COL5A2: variants seen among roughly 807,000 people sequenced by gnomAD.
The protein encoded by COL5A2 is collagen type V alpha 2 chain.
Under a neutral mutation model 208.2 loss-of-function variants are expected in COL5A2, and 23 were observed. The observed-to-expected ratio is 0.11, with a 90% CI of 0.08 to 0.16. The LOEUF is 0.16. Among genes scored for constraint, COL5A2 ranks in the 10% least tolerant of loss-of-function variants. The pLI is 1.00. For synonymous variants in COL5A2, 625 were observed against 628.5 expected (o/e 0.99, Z 0.08); for missense variants, 1,590 against 1,956.4 (o/e 0.81, Z 3.53).
At chr2:189,231,147 C>T in the COL5A2 span, among the ~76,000 whole-genome samples, 1 of 149,480 alleles carries the variant, frequency 6.7e-6, no homozygotes, top group Non-Finnish European at 1.5e-5. Flanking sequence ...GCAGAAAGTA[C>T]AATGGTGGTT....
chr2:189,423,181 T>C, the COL5A2 span, among the ~76,000 whole-genome samples: 1 of 150,416 alleles, frequency 6.6e-6, no homozygotes, highest in Non-Finnish European at 1.5e-5. Flanking sequence ...TCAAAAGCCA[T>C]GGAGATGAAA....
chr2:189,266,754 G>T, the COL5A2 span, among the ~76,000 whole-genome samples: 1 of 152,022 alleles, frequency 6.6e-6, no homozygotes, highest in Non-Finnish European at 1.5e-5. Context: ...ACACTTTAAA[G>T]AGGTGAATTT....
At chr2:189,402,268 A>T in the COL5A2 span, among the ~76,000 whole-genome samples, 1 of 152,136 alleles carries the variant, frequency 6.6e-6, no homozygotes, top group Non-Finnish European at 1.5e-5. Flanking sequence ...ACCAGGCTGG[A>T]GTGCAGTGGT....
rs148430780 is a variant in COL5A2 at position 189,053,010 on chromosome 2, G to C, written c.2562C>G (p.Asp854Glu). The change falls in exon 39 of 54, where the codon GAC (aspartate) becomes GAG (glutamate). Residue 854 changes from aspartate to glutamate, a missense_variant. Transcript: ENST00000374866. ...AVGFAGPQGP[D>E]GQPGVKGEPG... ...GTTCACCTTTTACTCCAGGCTGTCC[G>C]TCAGGACCCTATAAAAAATTATACA... 1 of 1,612,642 alleles carries C rather than the reference G, an allele frequency of 6.2e-7. No homozygotes were observed. The highest frequency in any genetic ancestry group is 1.3e-5 in the African/African-American group (1 of 74,842).
At chr2:189,250,656 G>A in the COL5A2 span, among the ~76,000 whole-genome samples, 7 of 151,802 alleles carry the variant, frequency 4.6e-5, no homozygotes, top group African/African-American at 1.5e-4. Flanking sequence ...CTAACTGAAC[G>A]TTCCACTTTA....
chr2:189,324,238 T>C, the COL5A2 span, among the ~76,000 whole-genome samples: 1 of 152,092 alleles, frequency 6.6e-6, no homozygotes, highest in East Asian at 1.9e-4. Context: ...GCAATACCAC[T>C]CAAGACATAA....
At chr2:189,060,271 G>A (rs11887155) in intron 31 of COL5A2, among the ~76,000 whole-genome samples, 1,770 of 152,254 alleles carry the variant, frequency 0.012, 19 homozygotes, top group African/African-American at 0.029. Flanking sequence ...TGTAAGGACA[G>A]CAAGGTCCAA....
chr2:189,064,533 A>G (rs1370726778), intron 25 of COL5A2, 24 bp downstream of exon 25: 8 of 1,556,378 alleles, frequency 5.1e-6, no homozygotes, highest in Non-Finnish European at 6.2e-6. Context: ...CCTTTGATGT[A>G]GCAAACACTT....
At chr2:189,125,395 T>C (rs1168013585) in intron 1 of COL5A2, among the ~76,000 whole-genome samples, 2 of 152,146 alleles carry the variant, frequency 1.3e-5, no homozygotes, top group East Asian at 1.9e-4. Flanking sequence ...CCACACCAAA[T>C]TGCACATACA....
chr2:189,067,990 T>G, intron 21 of COL5A2, 25 bp downstream of exon 21: 11 of 1,567,836 alleles, frequency 7.0e-6, no homozygotes, highest in Middle Eastern at 1.7e-4. Flanking sequence ...CACTAAAGGA[T>G]GATAGTTCTT....
At chr2:189,194,503 C>T (rs907421476) in intron 1 of COL5A2, among the ~76,000 whole-genome samples, 8 of 152,134 alleles carry the variant, frequency 5.3e-5, no homozygotes, top group African/African-American at 7.2e-5. Context: ...GCAAGGACTA[C>T]TTAATGTGTG....
the COL5A2 span, among the ~76,000 whole-genome samples, chr2:189,316,148 A>AGTGGTT: frequency 6.6e-6 from 1 of 152,174 alleles, no homozygotes; most frequent in African/African-American, 2.4e-5. Context: ...TGTTATAAAG[A>AGTGGTT]CACATGCACA....
At chr2:189,309,609 G>C in the COL5A2 span, among the ~76,000 whole-genome samples, 1 of 152,038 alleles carries the variant, frequency 6.6e-6, no homozygotes, top group Admixed American at 6.5e-5. Flanking sequence ...ACTTCCTTTT[G>C]TTCCTGCTCT....
At chr2:189,283,059 C>A in the COL5A2 span, among the ~76,000 whole-genome samples, 5 of 152,040 alleles carry the variant, frequency 3.3e-5, no homozygotes, top group African/African-American at 1.2e-4. Flanking sequence ...TAAATTTCCT[C>A]CTGTGGCAAC....
At chr2:189,273,538 A>G in the COL5A2 span, among the ~76,000 whole-genome samples, 1 of 152,148 alleles carries the variant, frequency 6.6e-6, no homozygotes, top group Non-Finnish European at 1.5e-5. Flanking sequence ...TTGATGAGCT[A>G]TCTACACTCT....
chr2:189,316,724 G>A, the COL5A2 span, among the ~76,000 whole-genome samples: 8 of 148,812 alleles, frequency 5.4e-5, no homozygotes, highest in Non-Finnish European at 8.9e-5. Context: ...ACCTGCACTT[G>A]TACCCCTAAA....
intron 5 of COL5A2, among the ~76,000 whole-genome samples, chr2:189,098,040 C>CCCCG (rs1686958325): frequency 6.6e-6 from 1 of 151,858 alleles, no homozygotes; most frequent in Non-Finnish European, 1.5e-5. Context: ...GTTTTTCCCC[C>CCCCG]CCTGGGAAAT....
intron 1 of COL5A2, among the ~76,000 whole-genome samples, chr2:189,170,755 A>AGT (rs1230117386): frequency 5.3e-5 from 8 of 152,306 alleles, no homozygotes; most frequent in Middle Eastern, 3.4e-3. Context: ...GGTAAAAAAA[A>AGT]AAGTCACACA....
At position 189,033,581 on chromosome 2, in the gene COL5A2, A is replaced by AT. The variant is rs1169365691; in HGVS notation, c.*488dup. On this transcript the variant is annotated 3_prime_UTR_variant, in exon 54 of 54. Coordinates refer to ENST00000374866, the MANE Select transcript of COL5A2 (RefSeq NM_000393.5). ...ATCACAAGTTAAACATTTTAAACTCATTTTTAATTGACAATCTTGGAATGA... is the reference window on the plus strand; with the variant it reads ...ATCACAAGTTAAACATTTTAAACTCATTTTTTAATTGACAATCTTGGAATGA... 5.7e-6 allele frequency: 1 copy of AT among 174,524 alleles called. No homozygotes were observed. The highest frequency in any genetic ancestry group is 1.2e-5 in the Non-Finnish European group (1 of 80,168). The allele number at this position is 174,524 out of a possible 1,614,324, so 10.8% of individuals were successfully genotyped here. A position where few individuals can be genotyped will look rare whatever the true frequency, so the allele number is the denominator to read the frequency against.
Sources: gnomAD v4.1 joint callset for allele counts (sites outside exome capture counted in the v4.1 genomes callset) on GRCh38, gnomAD v4.1.1 for gene constraint, MANE v1.5 for transcripts, NCBI Gene and HGNC (gene_info 2026-07-23, HGNC 2026-07-21) for gene names.